The following TFRC variants were observed in gnomAD, a reference collection of about 807,000 sequenced individuals.
The protein encoded by TFRC is transferrin receptor, also known as transferrin receptor protein 1.
Under a neutral mutation model 85.8 loss-of-function variants are expected in TFRC, and 35 were observed. The ratio of observed to expected loss-of-function variants is 0.41; its 90% CI spans 0.31 to 0.54. TFRC has a LOEUF of 0.54. TFRC is among the 20% of genes least tolerant of loss of function. TFRC has a pLI of 0.31. For missense variants in TFRC, 828 were observed against 921.5 expected, an observed-to-expected ratio of 0.90 and a Z score of 1.31; for synonymous variants, 362 against 328.6, an observed-to-expected ratio of 1.10 and a Z score of -1.10.
chr3:196,069,542 A>G lies in TFRC; in HGVS notation c.714T>C (p.Gly238=), dbSNP rs754370845. Residue 238 remains glycine, a synonymous_variant, in exon 7 of 19, where the codon GGT becomes GGC. Transcript: ENST00000360110. ...VTGKLVHANF[G]TKKDFEDLYT... ...ATAAATCCTCAAAATCTTTTTTAGT[A>G]CCAAAATTAGCATGGACCAGTTTAC... 6.2e-7 allele frequency: 1 copy of G among 1,611,782 alleles called. No individual in the cohort carries two copies. The highest frequency in any genetic ancestry group is 8.5e-7 in the Non-Finnish European group (1 of 1,178,072).
In TFRC at chr3:196,051,986, T is replaced by C. The variant is rs1382338064; in HGVS notation, c.2239A>G (p.Asn747Asp). The C allele has an allele frequency of 1.9e-6, 3 of 1,614,074 alleles. No individual in the cohort carries two copies. Among genetic ancestry groups the C allele is most frequent in the Non-Finnish European group, 2.5e-6 (3 of 1,180,052 alleles). The change falls in exon 19 of 19, where the codon AAT (asparagine) becomes GAT (aspartate). Residue 747 changes from asparagine to aspartate, a missense_variant. Asn to Asp is a conservative substitution (Grantham distance 23). Transcript: ENST00000360110. ...LATWTIQGAA[N>D]ALSGDVWDID... is the part of the protein sequence containing the mutation. The stretch of plus-strand genomic sequence containing the variant: ...TCCCAAACGTCACCAGAGAGGGCAT[T>C]TGCAGCTCCCTGAATAGTCCAAGTA...
chr3:196,051,836 A>G lies in TFRC; in HGVS notation c.*106T>C. 1.5e-6 allele frequency: 2 copies of G among 1,374,828 alleles called. No homozygotes were observed. The highest frequency in any genetic ancestry group is 2.0e-6 in the Non-Finnish European group (2 of 1,003,324). 85.2% of individuals were successfully genotyped at this position (1,374,828 alleles called of 1,614,324 possible). On this transcript the variant is annotated 3_prime_UTR_variant, in exon 19 of 19. Coordinates refer to ENST00000360110, the MANE Select transcript of TFRC (RefSeq NM_001128148.3). ...TAGTAGTACCAAGATGATGGGATGG[A>G]ATTTTAACATCAGGTTTTGTAGCCC... is the stretch of plus-strand genomic sequence containing the variant.
intron 13 of TFRC, chr3:196,062,249 A>G (rs1182047467): frequency 7.7e-6 from 2 of 261,118 alleles, no homozygotes; most frequent in Non-Finnish European, 1.5e-5. Context: ...TCCACTTCAA[A>G]GTAGTTTATC....
At chr3:196,069,635 A>G in intron 6 of TFRC, 67 bp from the exon 7 acceptor site, 1 of 1,043,868 alleles carries the variant, frequency 9.6e-7, no homozygotes, top group South Asian at 1.4e-5. Flanking sequence ...CTTGAGACAG[A>G]AGAGTGTTAT....
At chr3:196,072,213 A>G in intron 4 of TFRC, 61 bp from the exon 5 acceptor site, 1 of 1,583,694 alleles carries the variant, frequency 6.3e-7, no homozygotes. Flanking sequence ...CATTTAAGTC[A>G]AGGATTAAAC....
chr3:196,066,270 G>A (rs1039793132), intron 9 of TFRC, among the ~76,000 whole-genome samples: 4 of 152,058 alleles, frequency 2.6e-5, no homozygotes, highest in African/African-American at 9.7e-5. Context: ...CACTAACAAG[G>A]ATAGTACACA....
At chr3:196,079,483 G>C (rs1458370562) in intron 1 of TFRC, among the ~76,000 whole-genome samples, 1 of 151,958 alleles carries the variant, frequency 6.6e-6, no homozygotes, top group Non-Finnish European at 1.5e-5. Context: ...GCATGGTGGC[G>C]CATGCCTGTA....
chr3:196,080,293 G>A (rs1313777520), intron 1 of TFRC, among the ~76,000 whole-genome samples: 1 of 152,130 alleles, frequency 6.6e-6, no homozygotes, highest in African/African-American at 2.4e-5. Context: ...TCGTAGAGAC[G>A]GGGTTTCACC....
chr3:196,081,406 C>T (rs1245718648), intron 1 of TFRC, among the ~76,000 whole-genome samples: 1 of 152,248 alleles, frequency 6.6e-6, no homozygotes, highest in Non-Finnish European at 1.5e-5. Context: ...ATGCCTGTAA[C>T]ACGCTAGTAA....
At chr3:196,068,610 C>CAAAAAAAAAAAAAAA (rs55807772) in intron 7 of TFRC, among the ~76,000 whole-genome samples, 2 of 41,834 alleles carry the variant, frequency 4.8e-5, no homozygotes, top group African/African-American at 1.1e-4. Flanking sequence ...AACTCCCTCT[C>CAAAAAAAAAAAAAAA]AAAAAAAAAA....
intron 2 of TFRC, 44 bp from the exon 3 acceptor site, chr3:196,075,404 G>A (rs887726746): frequency 5.0e-6 from 8 of 1,599,486 alleles, no homozygotes; most frequent in Non-Finnish European, 6.9e-6. Flanking sequence ...GCACGGGAAT[G>A]TTTAGGAAAA....
At chr3:196,052,292 CTTTTTTTTTTT>C (rs529214594) in intron 18 of TFRC, 108 bp from the exon 19 acceptor site, 15 of 546,020 alleles carry the variant, frequency 2.7e-5, no homozygotes, top group Admixed American at 8.4e-5. Flanking sequence ...GCCGATCAGA[CTTTTTTTTTTT>C]TTTTTTTTTT....
intron 17 of TFRC, among the ~76,000 whole-genome samples, chr3:196,053,784 C>G (rs1045232452): frequency 6.6e-6 from 1 of 152,156 alleles, no homozygotes. Flanking sequence ...AGAAATTGAA[C>G]ATAATTATAT....
At chr3:196,079,739 C>G (rs1269402591) in intron 1 of TFRC, among the ~76,000 whole-genome samples, 1 of 152,148 alleles carries the variant, frequency 6.6e-6, no homozygotes, top group East Asian at 1.9e-4. Context: ...AAACGTAGCC[C>G]CACGTTTTGA....
chr3:196,053,585 A>G (rs562849296), intron 17 of TFRC, 27 bp from the exon 18 acceptor site: 2 of 1,612,320 alleles, frequency 1.2e-6, no homozygotes, highest in East Asian at 2.2e-5. Flanking sequence ...TCGCTATGAG[A>G]AGTTTTATTT....
Position 196,058,427 on chromosome 3 carries a change from T to C in TFRC, c.1596-62A>G, listed in dbSNP as rs1021357903. 7 of 1,525,876 alleles carry C rather than the reference T, an allele frequency of 4.6e-6. No individual in the cohort carries two copies. The African/African-American group carries it at 9.6e-5, about 21-fold the overall frequency. 94.5% of individuals were successfully genotyped at this position (1,525,876 alleles called of 1,614,324 possible). A position where few individuals can be genotyped will look rare whatever the true frequency, so the allele number is the denominator to read the frequency against. ...TAAAGAATAGACTGTTCTATCGTGC[T>C]AGTCCCCCCATCCAAAATAAATTCT... On this transcript the variant is annotated intron_variant, in intron 15 of 18. Transcript: ENST00000360110.
At chr3:196,074,695 A>G (rs541173668) in intron 3 of TFRC, among the ~76,000 whole-genome samples, 3 of 152,152 alleles carry the variant, frequency 2.0e-5, no homozygotes, top group African/African-American at 7.2e-5. Flanking sequence ...CCTGACCAAC[A>G]TGGTGAAACC....
rs1380910800 is a variant in TFRC, at chr3:196,049,575, G to C, written c.*2367C>G. 1 of 222,796 alleles carries C rather than the reference G, an allele frequency of 4.5e-6. No homozygotes were observed. The highest frequency in any genetic ancestry group is 9.0e-6 in the Non-Finnish European group (1 of 111,624). The allele number at this position is 222,796 out of a possible 1,614,324, so 13.8% of individuals were successfully genotyped here. A position where few individuals can be genotyped will look rare whatever the true frequency, so the allele number is the denominator to read the frequency against. On this transcript the variant is annotated 3_prime_UTR_variant, in exon 19 of 19. Coordinates refer to ENST00000360110, the MANE Select transcript of TFRC (RefSeq NM_001128148.3). ...TATTTCATTCAGGAATATTGAGCCT[G>C]TTAGCACGTACTGGCTTGATAGGAA... is the stretch of plus-strand genomic sequence containing the variant.
intron 7 of TFRC, among the ~76,000 whole-genome samples, chr3:196,069,122 T>C (rs1304624139): frequency 6.6e-6 from 1 of 152,120 alleles, no homozygotes; most frequent in Non-Finnish European, 1.5e-5. Flanking sequence ...TTTTTAAAAA[T>C]GCAGAAATCA....
Sources: gnomAD v4.1 joint callset for allele counts (sites outside exome capture counted in the v4.1 genomes callset) on GRCh38, gnomAD v4.1.1 for gene constraint, MANE v1.5 for transcripts, NCBI Gene and HGNC (gene_info 2026-07-23, HGNC 2026-07-21) for gene names.